The following KCNIP4 variants were observed in gnomAD, a reference collection of about 807,000 sequenced individuals.
KCNIP4 encodes the protein potassium voltage-gated channel interacting protein 4, also known as Kv channel-interacting protein 4.
KCNIP4 carries 12 observed loss-of-function variants against 34.0 expected under a neutral mutation model. The ratio of observed to expected loss-of-function variants is 0.35; its 90% CI spans 0.23 to 0.57. KCNIP4 has a LOEUF of 0.57. KCNIP4 is among the 20% of genes least tolerant of loss of function. The pLI is 0.83. For missense variants in KCNIP4, 238 were observed against 311.7 expected (o/e 0.76, Z 1.78); for synonymous variants, 124 against 102.2 (o/e 1.21, Z -1.29).
intron 1 of KCNIP4, among the ~76,000 whole-genome samples, chr4:21,318,258 G>A (rs1412143531): frequency 6.6e-6 from 1 of 152,180 alleles, no homozygotes; most frequent in Non-Finnish European, 1.5e-5. Context: ...TAGGGAAAAA[G>A]ATTGAAATTA....
At chr4:20,854,920 T>C (rs138774164) in intron 2 of KCNIP4, among the ~76,000 whole-genome samples, 1 of 152,198 alleles carries the variant, frequency 6.6e-6, no homozygotes, top group African/African-American at 2.4e-5. Context: ...TTCTCAAAGA[T>C]GTTTTATGCA....
chr4:21,766,108 G>A (rs1718400861), intron 1 of KCNIP4, among the ~76,000 whole-genome samples: 1 of 152,094 alleles, frequency 6.6e-6, no homozygotes, highest in Non-Finnish European at 1.5e-5. Flanking sequence ...GAATGCAGAA[G>A]AAGGTGGAAG....
intron 1 of KCNIP4, among the ~76,000 whole-genome samples, chr4:20,919,424 T>C (rs1729165483): frequency 6.8e-6 from 1 of 147,948 alleles, no homozygotes; most frequent in South Asian, 2.1e-4. Context: ...AAAAGATAGA[T>C]CGGGCGCGGT....
chr4:21,470,685 A>C (rs1348408744), intron 1 of KCNIP4, among the ~76,000 whole-genome samples: 1 of 152,178 alleles, frequency 6.6e-6, no homozygotes, highest in Non-Finnish European at 1.5e-5. Context: ...ACAGTCACAG[A>C]CAAGAAGGAG....
chr4:21,019,156 T>G (rs768078248), intron 1 of KCNIP4, among the ~76,000 whole-genome samples: 27 of 152,088 alleles, frequency 1.8e-4, no homozygotes, highest in Non-Finnish European at 3.8e-4. Context: ...TCTATTCTTT[T>G]TTGTTGTTGT....
intron 1 of KCNIP4, among the ~76,000 whole-genome samples, chr4:21,884,752 G>C (rs1046858706): frequency 1.3e-5 from 2 of 152,052 alleles, no homozygotes; most frequent in Non-Finnish European, 2.9e-5. Context: ...ATCATCACTT[G>C]CTACTGTCCC....
chr4:21,427,396 G>A (rs28738085), intron 1 of KCNIP4, among the ~76,000 whole-genome samples: 1,579 of 151,596 alleles, frequency 0.01, 26 homozygotes, highest in African/African-American at 0.036. Flanking sequence ...GACCTTTTTA[G>A]CAGCATTGTG....
At chr4:21,231,292 G>A (rs1758772962) in intron 1 of KCNIP4, among the ~76,000 whole-genome samples, 1 of 152,092 alleles carries the variant, frequency 6.6e-6, no homozygotes, top group Non-Finnish European at 1.5e-5. Flanking sequence ...TATCATTTAA[G>A]TTAAAAATAT....
intron 3 of KCNIP4, among the ~76,000 whole-genome samples, chr4:20,802,645 C>G (rs949140152): frequency 6.6e-6 from 1 of 152,034 alleles, no homozygotes; most frequent in Non-Finnish European, 1.5e-5. Flanking sequence ...GAAATCATAC[C>G]TAGTATTGTT....
chr4:21,330,167 T>G (rs972630264), intron 1 of KCNIP4, among the ~76,000 whole-genome samples: 1 of 152,222 alleles, frequency 6.6e-6, no homozygotes, highest in African/African-American at 2.4e-5. Context: ...AAGTCTACTT[T>G]TTCAAAAGTA....
intron 1 of KCNIP4, among the ~76,000 whole-genome samples, chr4:21,018,293 C>T (rs369728502): frequency 1.6e-4 from 25 of 152,144 alleles, no homozygotes; most frequent in Non-Finnish European, 3.1e-4. Flanking sequence ...AATAGATATA[C>T]TTGCTGCTTC....
chr4:21,076,257 C>T lies in KCNIP4; in HGVS notation c.62-193548G>A, dbSNP rs1351403386. 4.2e-4 allele frequency among the ~76,000 whole-genome samples: 64 copies of T among 152,044 alleles called. 1 individual carries two copies. Reference sequence around the variant, plus strand: ...TGTTTTCCAACTTGATTCAATTCTCCCCGTCACTTTCAGGTACACCAATCA... The same window carrying T: ...TGTTTTCCAACTTGATTCAATTCTCTCCGTCACTTTCAGGTACACCAATCA... On this transcript the variant is annotated intron_variant, in intron 1 of 8. Coordinates refer to ENST00000382152, the MANE Select transcript of KCNIP4 (RefSeq NM_025221.6).
chr4:21,273,265 A>G (rs1560240057), intron 1 of KCNIP4, among the ~76,000 whole-genome samples: 1 of 152,118 alleles, frequency 6.6e-6, no homozygotes, highest in Non-Finnish European at 1.5e-5. Context: ...GCCTAATCAG[A>G]CCTACCTACT....
intron 1 of KCNIP4, among the ~76,000 whole-genome samples, chr4:21,152,510 T>A (rs1473884953): frequency 6.6e-6 from 1 of 152,186 alleles, no homozygotes; most frequent in Non-Finnish European, 1.5e-5. Context: ...GCCATTTTTT[T>A]TTTTTGGTTT....
Position 21,470,149 on chromosome 4 carries a change from G to C in KCNIP4, c.61+478422C>G, listed in dbSNP as rs191023933. Among the ~76,000 whole-genome samples, 721 of 152,226 alleles carry C rather than the reference G, an allele frequency of 4.7e-3. 16 individuals carry two copies. The highest frequency in any genetic ancestry group is 0.034 in the Admixed American group (515 of 15,266). On this transcript the variant is annotated intron_variant, in intron 1 of 8. Transcript: ENST00000382152. ...ATGACAGAGCCAGGGCCTTGACATCGGGACAGATTATTAGAACGTGAAGGT... is the reference window on the plus strand; with the variant it reads ...ATGACAGAGCCAGGGCCTTGACATCCGGACAGATTATTAGAACGTGAAGGT...
At chr4:20,908,958 C>T (rs1728067651) in intron 1 of KCNIP4, among the ~76,000 whole-genome samples, 1 of 152,152 alleles carries the variant, frequency 6.6e-6, no homozygotes, top group Non-Finnish European at 1.5e-5. Flanking sequence ...ACAACTTTAA[C>T]CACAGTAAAC....
chr4:20,961,538 TA>T (rs751566913), intron 1 of KCNIP4, among the ~76,000 whole-genome samples: 20 of 152,058 alleles, frequency 1.3e-4, no homozygotes, highest in African/African-American at 4.6e-4. Flanking sequence ...CACAGAGTTT[TA>T]AAAAAAACAA....
intron 3 of KCNIP4, among the ~76,000 whole-genome samples, chr4:20,842,206 G>T (rs761087603): frequency 6.6e-6 from 1 of 152,068 alleles, no homozygotes; most frequent in Non-Finnish European, 1.5e-5. Context: ...AGCACTCAGA[G>T]AATAAGCCAT....
At chr4:21,414,886 C>A (rs1210536477) in intron 1 of KCNIP4, among the ~76,000 whole-genome samples, 1 of 151,946 alleles carries the variant, frequency 6.6e-6, no homozygotes, top group Non-Finnish European at 1.5e-5. Context: ...GCATACAATG[C>A]AAAATAATTA....
Sources: allele counts gnomAD v4.1 joint callset (sites outside exome capture counted in the v4.1 genomes callset), GRCh38; gene constraint gnomAD v4.1.1; transcripts MANE v1.5; gene names NCBI Gene and HGNC (gene_info 2026-07-23, HGNC 2026-07-21).